The following SCAMP1 variants were observed in gnomAD, a reference collection of about 807,000 sequenced individuals.
SCAMP1 encodes secretory carrier membrane protein 1, also known as secretory carrier-associated membrane protein 1.
SCAMP1 carries 15 observed loss-of-function variants against 41.8 expected under a neutral mutation model. The ratio of observed to expected loss-of-function variants is 0.36; its 90% confidence interval spans 0.24 to 0.55. The LOEUF is 0.55. SCAMP1 is among the 20% of genes least tolerant of loss of function. The probability of loss-of-function intolerance (pLI) is 0.86; values close to 1 mark genes in which losing one functional copy is unlikely to be tolerated. For missense variants in SCAMP1, 341 were observed against 412.6 expected (o/e 0.83, Z 1.50); for synonymous variants, 135 against 136.8 (o/e 0.99, Z 0.09).
intron 2 of SCAMP1, among the ~76,000 whole-genome samples, chr5:78,407,907 T>C (rs577267927): frequency 6.6e-6 from 1 of 152,362 alleles, no homozygotes; most frequent in Admixed American, 6.5e-5. Context: ...ATTACCCTCT[T>C]AATTCTTTAT....
intron 2 of SCAMP1, among the ~76,000 whole-genome samples, chr5:78,396,521 T>G (rs1200315015): frequency 6.6e-6 from 1 of 152,178 alleles, no homozygotes; most frequent in African/African-American, 2.4e-5. Context: ...CAGATAGACA[T>G]GTTTAGTAAG....
At chr5:78,388,942 T>G (rs1015762699) in intron 2 of SCAMP1, 28 bp downstream of exon 2, 2 of 1,150,426 alleles carry the variant, frequency 1.7e-6, no homozygotes, top group Non-Finnish European at 2.5e-6. Flanking sequence ...TTTAAATGTT[T>G]AAATTGAAAT....
At chr5:78,440,098 C>T (rs1752879871) in intron 6 of SCAMP1, among the ~76,000 whole-genome samples, 1 of 152,162 alleles carries the variant, frequency 6.6e-6, no homozygotes, top group Non-Finnish European at 1.5e-5. Context: ...TTCTAGTTAG[C>T]CATTCGTCTA....
chr5:78,424,432 A>T (rs1292853178), intron 6 of SCAMP1, among the ~76,000 whole-genome samples: 2 of 152,168 alleles, frequency 1.3e-5, no homozygotes, highest in African/African-American at 4.8e-5. Context: ...TGTAGTTTAC[A>T]AAGATTGTAA....
chr5:78,416,407 C>G, intron 3 of SCAMP1, 134 bp from the exon 4 acceptor site: 1 of 588,114 alleles, frequency 1.7e-6, no homozygotes, highest in Non-Finnish European at 2.8e-6. Context: ...CTATGATCTT[C>G]AGTAAATTCC....
chr5:78,393,739 C>G (rs567832032), intron 2 of SCAMP1, among the ~76,000 whole-genome samples: 49 of 152,226 alleles, frequency 3.2e-4, no homozygotes, highest in African/African-American at 1.2e-3. Flanking sequence ...CTGGCCTACC[C>G]TCTAAAATCT....
intron 2 of SCAMP1, among the ~76,000 whole-genome samples, chr5:78,403,510 A>G (rs1751849510): frequency 6.6e-6 from 1 of 152,070 alleles, no homozygotes; most frequent in Non-Finnish European, 1.5e-5. Context: ...TGAGAATAAG[A>G]AAAATAAGAC....
At chr5:78,377,124 C>G (rs1173984872) in intron 1 of SCAMP1, among the ~76,000 whole-genome samples, 2 of 152,040 alleles carry the variant, frequency 1.3e-5, no homozygotes, top group Non-Finnish European at 2.9e-5. Flanking sequence ...AAAGCTGAGG[C>G]CCTTCTGATG....
chr5:78,469,913 C>CAAAAAAAAAAAAAAAAAAAAAAA lies in SCAMP1; in HGVS notation c.853-5572_853-5571insAAAAAAAAAAAAAAAAAAAAAAA, dbSNP rs1561290939. On this transcript the variant is annotated intron_variant, in intron 8 of 8. Coordinates refer to ENST00000621999, the MANE Select transcript of SCAMP1 (RefSeq NM_004866.6). ...ATTAAAAAAAAAAAAAAAAAAAAAA[C>CAAAAAAAAAAAAAAAAAAAAAAA]AAAAAAAAAAAAAAAAAAACAACAA... Among the ~76,000 whole-genome samples the CAAAAAAAAAAAAAAAAAAAAAAA allele has an allele frequency of 5.2e-4, 12 of 23,232 alleles. 1 individual carries two copies. The highest frequency in any genetic ancestry group is 7.7e-4 in the African/African-American group (3 of 3,874). 15.2% of individuals were successfully genotyped at this position (23,232 alleles called of 152,430 possible).
intron 6 of SCAMP1, among the ~76,000 whole-genome samples, chr5:78,437,653 G>A (rs1269459398): frequency 1.3e-5 from 2 of 152,180 alleles, no homozygotes; most frequent in East Asian, 1.9e-4. Context: ...ATGTTCATCA[G>A]GGATATTGGT....
intron 6 of SCAMP1, among the ~76,000 whole-genome samples, chr5:78,441,045 A>C (rs375654014): frequency 6.6e-6 from 1 of 152,208 alleles, no homozygotes; most frequent in Admixed American, 6.5e-5. Flanking sequence ...GCCGTTTGCT[A>C]AGACCATTGG....
At chr5:78,364,944 G>T (rs1219687008) in intron 1 of SCAMP1, among the ~76,000 whole-genome samples, 1 of 133,414 alleles carries the variant, frequency 7.5e-6, no homozygotes, top group Non-Finnish European at 1.6e-5. Context: ...GAGTTAATGG[G>T]TGCAGCACAC....
At chr5:78,412,678 T>G (rs1279783284) in intron 2 of SCAMP1, among the ~76,000 whole-genome samples, 1 of 152,148 alleles carries the variant, frequency 6.6e-6, no homozygotes, top group Admixed American at 6.5e-5. Context: ...CTGTTACACC[T>G]CTTTTCACAT....
chr5:78,411,148 C>G (rs1196170440), intron 2 of SCAMP1, among the ~76,000 whole-genome samples: 1 of 152,106 alleles, frequency 6.6e-6, no homozygotes, highest in Non-Finnish European at 1.5e-5. Flanking sequence ...TTAATTAGAT[C>G]TCATTTGTCA....
intron 6 of SCAMP1, among the ~76,000 whole-genome samples, chr5:78,434,542 T>A (rs902188027): frequency 1.7e-5 from 2 of 115,954 alleles, no homozygotes; most frequent in Non-Finnish European, 3.5e-5. Flanking sequence ...CCTTCCTTCC[T>A]TCTTTCTTCC....
At chr5:78,460,820 CCTTTCTT>C (rs1209773378) in intron 8 of SCAMP1, among the ~76,000 whole-genome samples, 4 of 28,172 alleles carry the variant, frequency 1.4e-4, no homozygotes, top group African/African-American at 3.4e-4. Context: ...TTCCTTCCTT[CCTTTCTT>C]GTCTTTCCTC....
chr5:78,450,670 T>C (rs1243474495), intron 7 of SCAMP1, among the ~76,000 whole-genome samples: 1 of 152,230 alleles, frequency 6.6e-6, no homozygotes, highest in Non-Finnish European at 1.5e-5. Flanking sequence ...AGTACACATC[T>C]CTAAAATTAT....
intron 2 of SCAMP1, among the ~76,000 whole-genome samples, chr5:78,403,102 C>T (rs1274659171): frequency 6.6e-6 from 1 of 152,188 alleles, no homozygotes; most frequent in Non-Finnish European, 1.5e-5. Context: ...AACTCCTGGC[C>T]TCAAGTGATC....
intron 1 of SCAMP1, among the ~76,000 whole-genome samples, chr5:78,365,056 A>T (rs1023720625): frequency 6.6e-6 from 1 of 152,230 alleles, no homozygotes; most frequent in East Asian, 1.9e-4. Flanking sequence ...AAAATAGGGT[A>T]ATAGTACATT....
Sources: gnomAD v4.1 joint callset for allele counts (sites outside exome capture counted in the v4.1 genomes callset) on GRCh38, gnomAD v4.1.1 for gene constraint, MANE v1.5 for transcripts, NCBI Gene and HGNC (gene_info 2026-07-23, HGNC 2026-07-21) for gene names.